M6PR: variants seen among roughly 807,000 people sequenced by gnomAD.
M6PR encodes cation-dependent mannose-6-phosphate receptor.
M6PR carries 19 observed loss-of-function variants against 33.1 expected under a neutral mutation model. That is an observed-to-expected ratio of 0.57 (90% CI 0.40 to 0.84). The LOEUF (loss-of-function observed/expected upper bound fraction) is 0.84. Among genes scored for constraint, M6PR ranks in the 40% least tolerant of loss-of-function variants. The pLI, the probability that M6PR is intolerant of heterozygous loss-of-function variation, is 0.00. For synonymous variants in M6PR, 111 were observed against 123.4 expected, an observed-to-expected ratio of 0.90 and a Z score of 0.67; for missense variants, 295 against 336.0, an observed-to-expected ratio of 0.88 and a Z score of 0.95.
intron 2 of M6PR, among the ~76,000 whole-genome samples, 167 bp downstream of exon 2, chr12:8,946,062 T>C (rs1946088876): frequency 6.6e-6 from 1 of 152,228 alleles, no homozygotes. Context: ...GTCTTGGAAA[T>C]AGCTACACTT....
At chr12:8,947,725 G>A (rs1946117867) in intron 1 of M6PR, among the ~76,000 whole-genome samples, 1 of 152,160 alleles carries the variant, frequency 6.6e-6, no homozygotes, top group Non-Finnish European at 1.5e-5. Flanking sequence ...AGTGGAGTGA[G>A]CCAGAGAGTC....
intron 1 of M6PR, among the ~76,000 whole-genome samples, chr12:8,948,017 C>A (rs1392902014): frequency 6.6e-6 from 1 of 152,184 alleles, no homozygotes. Context: ...TTCTTCTAGA[C>A]TGACTTAGCC....
At position 8,949,108 on chromosome 12, in the gene M6PR, C is replaced by T. The variant is rs180769487; in HGVS notation, c.-2+380G>A. On this transcript the variant is annotated intron_variant, in intron 1 of 6. Transcript: ENST00000000412. The surrounding 1 kb of genome is among the most constrained non-coding windows in gnomAD (Gnocchi z 5.6). ...GAAATTCTCGCTCTGTCTAGTGTCC[C>T]GACTTTCCAAGCGCTTGTAGCCATA... Among the ~76,000 whole-genome samples, 14 of 152,204 alleles carry T rather than the reference C, an allele frequency of 9.2e-5. No individual in the cohort carries two copies. In the East Asian group the frequency reaches 1.2e-3, roughly 13 times the overall value.
At chr12:8,945,734 T>C (rs1285026871) in intron 2 of M6PR, 150 bp from the exon 3 acceptor site, 1 of 673,740 alleles carries the variant, frequency 1.5e-6, no homozygotes, top group African/African-American at 1.8e-5. Flanking sequence ...TGTTTAATTT[T>C]AAGATATTCA....
In M6PR at chr12:8,943,877, T is replaced by G; in HGVS notation, c.377A>C (p.Asp126Ala). The change falls in exon 4 of 7, where the codon GAT becomes GCT. Residue 126 changes from aspartate (D) to alanine (A), a missense_variant. Physicochemically the swap from Asp to Ala is moderately radical, Grantham distance 126. Coordinates refer to ENST00000000412, the MANE Select transcript of M6PR (RefSeq NM_002355.4). ...CTTGCCACAGTGGTTGTCATATTCA[T>G]CACCCCCTTTATAGATCAGCATGAT... ...NWIMLIYKGG[D>A]EYDNHCGKEQ... 1 of 1,613,792 alleles carries G rather than the reference T, an allele frequency of 6.2e-7. No individual in the cohort carries two copies. Among genetic ancestry groups the G allele is most frequent in the Non-Finnish European group, 8.5e-7 (1 of 1,179,920 alleles).
Position 8,941,956 on chromosome 12 carries a change from AAAG to A in M6PR, c.712-19_712-17del, listed in dbSNP as rs1260115849. ...CACAGCCATCCTGTAGGGGGAAAAAAAAGAAGGAAATAATTCGCAGCATCTAAC... is the reference window on the plus strand; with the variant it reads ...CACAGCCATCCTGTAGGGGGAAAAAAAAGGAAATAATTCGCAGCATCTAAC... On this transcript the variant is annotated splice_polypyrimidine_tract_variant and intron_variant, in intron 6 of 6. Transcript: ENST00000000412. The A allele has an allele frequency of 4.3e-6, 7 of 1,613,744 alleles. No individual in the cohort carries two copies. The highest frequency in any genetic ancestry group is 5.9e-6 in the Non-Finnish European group (7 of 1,179,788).
At position 8,942,426 on chromosome 12, in the gene M6PR, T is replaced by C; in HGVS notation, c.701A>G (p.Asn234Ser). 1 of 1,614,204 alleles carries C rather than the reference T, an allele frequency of 6.2e-7. No individual in the cohort carries two copies. Residue 234 changes from asparagine to serine, a missense_variant, in exon 6 of 7, where the codon AAC (asparagine) becomes AGC (serine). Physicochemically the swap from Asn to Ser is conservative, Grantham distance 46 (BLOSUM62 1). Transcript: ENST00000000412. ...TGCCCTGTTACTTACTGCTACCAGG[T>C]TGCCAAGATCCTGCCAGAAGGCTAA... The part of the protein sequence containing the change: ...PHLAFWQDLG[N>S]LVADGCDFVC...
rs745756169 is a variant in M6PR, at chr12:8,949,049, G to C, written c.-2+439C>G. Among the ~76,000 whole-genome samples, 1 of 152,202 alleles carries C rather than the reference G, an allele frequency of 6.6e-6. No individual in the cohort carries two copies. Among genetic ancestry groups the C allele is most frequent in the Admixed American group, 6.5e-5 (1 of 15,290 alleles). ...ATCAGCCATTCTTATCCACACCACAGTCGCATCCCCCTCAAAGCTCTCCCA... is the reference window on the plus strand; with the variant it reads ...ATCAGCCATTCTTATCCACACCACACTCGCATCCCCCTCAAAGCTCTCCCA... On this transcript the variant is annotated intron_variant, in intron 1 of 6. Coordinates refer to ENST00000000412, the MANE Select transcript of M6PR (RefSeq NM_002355.4). The surrounding 1 kb of genome is among the most constrained non-coding windows in gnomAD (Gnocchi z 5.6).
chr12:8,941,957 AAG>A lies in M6PR; in HGVS notation c.712-19_712-18del. ...ACAGCCATCCTGTAGGGGGAAAAAA[AAG>A]AAGGAAATAATTCGCAGCATCTAAC... On this transcript the variant is annotated intron_variant, in intron 6 of 6. Coordinates refer to ENST00000000412, the MANE Select transcript of M6PR (RefSeq NM_002355.4). The A allele has an allele frequency of 6.2e-7, 1 of 1,613,810 alleles. No individual in the cohort carries two copies. Among genetic ancestry groups the A allele is most frequent in the African/African-American group, 1.3e-5 (1 of 75,026 alleles).
At chr12:8,942,607 CCT>C in intron 5 of M6PR, 65 bp from the exon 6 acceptor site, 1 of 1,526,580 alleles carries the variant, frequency 6.6e-7, no homozygotes, top group Non-Finnish European at 9.0e-7. Context: ...GATAGGATAA[CCT>C]CTGCATTTAT....
At chr12:8,942,630 T>C (rs1805731) in intron 5 of M6PR, 88 bp from the exon 6 acceptor site, 500,543 of 1,389,534 alleles carry the variant, frequency 0.36, 93,864 homozygotes, top group Admixed American at 0.42. Flanking sequence ...TGTCAGCTGT[T>C]TCCTAAGATA....
At chr12:8,948,012 C>G (rs1946124462) in intron 1 of M6PR, among the ~76,000 whole-genome samples, 1 of 152,146 alleles carries the variant, frequency 6.6e-6, no homozygotes, top group South Asian at 2.1e-4. Context: ...ACTCCTTCTT[C>G]TAGACTGACT....
Position 8,941,551 on chromosome 12 carries a change from C to G in M6PR, c.*267G>C. The stretch of plus-strand genomic sequence containing the variant: ...ATATGCCTATTGTAACTTCTGATGT[C>G]AAGAGACAATGCAAAAGCCTCTGTT... On this transcript the variant is annotated 3_prime_UTR_variant, in exon 7 of 7. Coordinates refer to ENST00000000412, the MANE Select transcript of M6PR (RefSeq NM_002355.4). 2.9e-6 allele frequency: 1 copy of G among 339,548 alleles called. No homozygotes were observed. The highest frequency in any genetic ancestry group is 5.3e-6 in the Non-Finnish European group (1 of 187,178). 21.0% of individuals were successfully genotyped at this position (339,548 alleles called of 1,614,324 possible).
Position 8,941,814 on chromosome 12 carries a change from C to T in M6PR, c.*4G>A. The T allele has an allele frequency of 6.2e-7, 1 of 1,614,064 alleles. No individual in the cohort carries two copies. Among genetic ancestry groups the T allele is most frequent in the Non-Finnish European group, 8.5e-7 (1 of 1,179,994 alleles). On this transcript the variant is annotated 3_prime_UTR_variant, in exon 7 of 7. Transcript: ENST00000000412. ...AGGAAGAGGCTGGACATATAAAGTG[C>T]AATCTACATTGGTAATAAATGGTCA...
chr12:8,942,674 TA>T, intron 5 of M6PR, 132 bp from the exon 6 acceptor site: 1 of 932,934 alleles, frequency 1.1e-6, no homozygotes, highest in Non-Finnish European at 1.6e-6. Context: ...GTAGTGATAC[TA>T]AATGAAAAAG....
At chr12:8,943,373 A>G in intron 5 of M6PR, 32 bp downstream of exon 5, 1 of 1,612,730 alleles carries the variant, frequency 6.2e-7, no homozygotes, top group Non-Finnish European at 8.5e-7. Flanking sequence ...AAAGGAAGGA[A>G]GGTCTGTTCT....
rs1041891960 is a variant in M6PR at position 8,946,385 on chromosome 12, C to T, written c.20G>A (p.Cys7Tyr). Residue 7 changes from cysteine (C) to tyrosine (Y), a missense_variant, in exon 2 of 7, where the codon TGC becomes TAC. Cys to Tyr is a radical substitution (Grantham distance 194). Coordinates refer to ENST00000000412, the MANE Select transcript of M6PR (RefSeq NM_002355.4). MFPFYS[C>Y]WRTGLLLLLL... The stretch of plus-strand genomic sequence containing the variant: ...TAGTAGTAGCAGTCCAGTCCTCCAG[C>T]AGCTGTAGAAAGGGAACATCCTTTG... The T allele has an allele frequency of 3.7e-6, 6 of 1,612,748 alleles. No individual in the cohort carries two copies. Among genetic ancestry groups the T allele is most frequent in the Non-Finnish European group, 5.1e-6 (6 of 1,179,574 alleles).
chr12:8,941,656 A>G lies in M6PR; in HGVS notation c.*162T>C. On this transcript the variant is annotated 3_prime_UTR_variant, in exon 7 of 7. Transcript: ENST00000000412. ...AAACAGAAAATAAGGAACAAAGGGA[A>G]GGCAGTTTTACTAGTGAGAAGATGC... is the stretch of plus-strand genomic sequence containing the variant. 2.6e-6 allele frequency: 2 copies of G among 781,576 alleles called. No individual in the cohort carries two copies. The highest frequency in any genetic ancestry group is 4.2e-6 in the Non-Finnish European group (2 of 481,418). 48.4% of individuals were successfully genotyped at this position (781,576 alleles called of 1,614,324 possible).
intron 4 of M6PR, 128 bp from the exon 5 acceptor site, chr12:8,943,663 T>C (rs898833248): frequency 7.3e-7 from 1 of 1,373,384 alleles, no homozygotes; most frequent in African/African-American, 1.4e-5. Context: ...AAGATGCGTG[T>C]CTGACACAGA....
Sources: gnomAD v4.1 joint callset for allele counts (sites outside exome capture counted in the v4.1 genomes callset) on GRCh38, gnomAD v4.1.1 for gene constraint, Gnocchi (gnomAD v3.1) non-coding constraint, MANE v1.5 for transcripts, NCBI Gene and HGNC (gene_info 2026-07-23, HGNC 2026-07-21) for gene names.